CSMD1: variants seen among roughly 807,000 people sequenced by gnomAD.
CSMD1 encodes the protein CUB and Sushi multiple domains 1, also known as CUB and sushi domain-containing protein 1.
CSMD1 carries 213 observed loss-of-function variants against 417.5 expected under a neutral mutation model. The observed-to-expected ratio is 0.51, with a 90% CI of 0.46 to 0.57. The LOEUF is 0.57. Among genes scored for constraint, CSMD1 ranks in the 20% least tolerant of loss-of-function variants. The pLI, the probability that CSMD1 is intolerant of heterozygous loss-of-function variation, is 0.00. For missense variants in CSMD1, 6,923 were observed against 4,529.7 expected (o/e 1.53, Z -15.17); for synonymous variants, 2,862 against 1,736.8 (o/e 1.65, Z -16.11).
chr8:3,815,208 C>A (rs1801305424), intron 5 of CSMD1, among the ~76,000 whole-genome samples: 1 of 152,122 alleles, frequency 6.6e-6, no homozygotes, highest in Non-Finnish European at 1.5e-5. Flanking sequence ...TCTTTCTTTG[C>A]TCTCCTTTTA....
intron 10 of CSMD1, among the ~76,000 whole-genome samples, chr8:3,566,275 C>A (rs13259577): frequency 0.4 from 60,399 of 151,844 alleles, 12,272 homozygotes; most frequent in Middle Eastern, 0.48. Context: ...AAAAGAATAA[C>A]AAGAAGGTGG....
intron 3 of CSMD1, among the ~76,000 whole-genome samples, chr8:4,234,983 A>G (rs556832132): frequency 2.6e-5 from 4 of 152,280 alleles, no homozygotes; most frequent in South Asian, 4.1e-4. Flanking sequence ...TGGAATCTCA[A>G]TTTTATCCCA....
intron 12 of CSMD1, among the ~76,000 whole-genome samples, chr8:3,417,469 G>A (rs1039186819): frequency 1.3e-5 from 2 of 152,286 alleles, no homozygotes; most frequent in East Asian, 3.9e-4. Context: ...TAGCTTGTAT[G>A]TCTGCCTTTT....
chr8:4,696,312 C>A (rs755024522), intron 1 of CSMD1, among the ~76,000 whole-genome samples: 1 of 152,108 alleles, frequency 6.6e-6, no homozygotes, highest in African/African-American at 2.4e-5. Context: ...TATTTGGTAG[C>A]AATAACTTTC....
intron 1 of CSMD1, among the ~76,000 whole-genome samples, chr8:4,700,148 G>A (rs1394193423): frequency 2.6e-5 from 4 of 151,972 alleles, no homozygotes; most frequent in Non-Finnish European, 4.4e-5. Context: ...ATTTTTAACT[G>A]ACCTTTCAAG....
At chr8:3,437,872 C>A (rs62505605) in intron 12 of CSMD1, among the ~76,000 whole-genome samples, 15,360 of 151,992 alleles carry the variant, frequency 0.1, 841 homozygotes, top group Middle Eastern at 0.14. Context: ...TTCAGCCACC[C>A]GAGTAGCTGG....
intron 4 of CSMD1, among the ~76,000 whole-genome samples, chr8:4,010,392 C>G (rs1250622465): frequency 6.6e-6 from 1 of 152,174 alleles, no homozygotes; most frequent in African/African-American, 2.4e-5. Context: ...TCAGCCTCTT[C>G]ACCTCTACCT....
intron 1 of CSMD1, among the ~76,000 whole-genome samples, chr8:4,767,287 T>C (rs1242489479): frequency 1.3e-5 from 2 of 152,146 alleles, no homozygotes; most frequent in African/African-American, 2.4e-5. Context: ...TTAAAACAAG[T>C]AGAGTTGACT....
intron 30 of CSMD1, among the ~76,000 whole-genome samples, chr8:3,210,642 T>G (rs1797551927): frequency 6.7e-6 from 1 of 148,648 alleles, no homozygotes; most frequent in African/African-American, 2.5e-5. Context: ...ATAAAGTGTA[T>G]ATACACTTTA....
intron 1 of CSMD1, among the ~76,000 whole-genome samples, chr8:4,876,751 G>A (rs1803065856): frequency 6.6e-6 from 1 of 152,004 alleles, no homozygotes; most frequent in South Asian, 2.1e-4. Context: ...GAGTGTACCA[G>A]TTTACATCTG....
chr8:4,645,467 A>AAAAAAAAAG (rs1803461123), intron 1 of CSMD1, among the ~76,000 whole-genome samples: 1 of 145,860 alleles, frequency 6.9e-6, no homozygotes, highest in African/African-American at 2.6e-5. Context: ...AAAAAAAAAA[A>AAAAAAAAAG]GGCAAGCAAA....
At chr8:4,483,526 G>A (rs1458360313) in intron 2 of CSMD1, among the ~76,000 whole-genome samples, 1 of 152,130 alleles carries the variant, frequency 6.6e-6, no homozygotes, top group African/African-American at 2.4e-5. Flanking sequence ...AAACATGAGT[G>A]ACAAGGACAC....
At chr8:2,993,769 G>C (rs532502938) in intron 54 of CSMD1, among the ~76,000 whole-genome samples, 2 of 152,228 alleles carry the variant, frequency 1.3e-5, no homozygotes, top group South Asian at 4.1e-4. Flanking sequence ...AATGAAGACA[G>C]CTCCCGTCTC....
intron 3 of CSMD1, among the ~76,000 whole-genome samples, chr8:4,185,507 A>G (rs917853096): frequency 6.6e-6 from 1 of 152,166 alleles, no homozygotes; most frequent in Admixed American, 6.5e-5. Context: ...CGAAAACACT[A>G]TTCTGCTAAT....
intron 2 of CSMD1, among the ~76,000 whole-genome samples, chr8:4,604,419 G>C (rs574707451): frequency 6.6e-6 from 1 of 151,342 alleles, no homozygotes; most frequent in Non-Finnish European, 1.5e-5. Context: ...GTGCGCGTGC[G>C]TAAAGACTAG....
Position 2,965,618 on chromosome 8 carries a change from G to C in CSMD1, c.9280+157C>G, listed in dbSNP as rs148217396. Among the ~76,000 whole-genome samples the C allele has an allele frequency of 1.7e-3, 257 of 152,246 alleles. 1 individual carries two copies. Among genetic ancestry groups the C allele is most frequent in the African/African-American group, 5.8e-3 (241 of 41,542 alleles). On this transcript the variant is annotated intron_variant, in intron 59 of 69. Transcript: ENST00000635120. ...TTCCATCTGTAAAACTGAGATTAAA[G>C]TATTATAAAAATAAAGTGACTTAAT...
intron 3 of CSMD1, among the ~76,000 whole-genome samples, chr8:4,277,633 G>A (rs920691587): frequency 6.6e-6 from 1 of 152,098 alleles, no homozygotes; most frequent in Non-Finnish European, 1.5e-5. Flanking sequence ...TTCTCACAAG[G>A]ATATGCAGAA....
intron 1 of CSMD1, among the ~76,000 whole-genome samples, chr8:4,737,099 G>C (rs986630732): frequency 2.0e-5 from 3 of 152,100 alleles, no homozygotes; most frequent in Non-Finnish European, 4.4e-5. Flanking sequence ...GCCCATCAAT[G>C]ATAGACTGAA....
At chr8:4,264,735 G>T (rs1306697864) in intron 3 of CSMD1, among the ~76,000 whole-genome samples, 1 of 152,086 alleles carries the variant, frequency 6.6e-6, no homozygotes, top group East Asian at 1.9e-4. Context: ...CAGGGGTAGG[G>T]AACATCCTCA....
Sources: gnomAD v4.1 joint callset for allele counts (sites outside exome capture counted in the v4.1 genomes callset) on GRCh38, gnomAD v4.1.1 for gene constraint, MANE v1.5 for transcripts, NCBI Gene and HGNC (gene_info 2026-07-23, HGNC 2026-07-21) for gene names.